The following IKZF5 variants were observed in gnomAD, a reference collection of about 807,000 sequenced individuals.
The protein encoded by IKZF5 is zinc finger protein Pegasus.
A neutral mutation model predicts 30.7 loss-of-function variants in IKZF5; 4 were observed. That is an observed-to-expected ratio of 0.13 (90% CI 0.06 to 0.30). The LOEUF (loss-of-function observed/expected upper bound fraction) is 0.30, where lower values mean the gene tolerates loss of function less well. Among genes scored for constraint, IKZF5 ranks in the 10% least tolerant of loss-of-function variants. The pLI, the probability that IKZF5 is intolerant of heterozygous loss-of-function variation, is 1.00. For synonymous variants in IKZF5, 148 were observed against 179.6 expected (o/e 0.82, Z 1.41); for missense variants, 348 against 525.5 (o/e 0.66, Z 3.30).
At chr10:123,006,994 A>G (rs1326930417) in intron 2 of IKZF5, 32 bp downstream of exon 2, 3 of 152,382 alleles carry the variant, frequency 2.0e-5, no homozygotes, top group African/African-American at 7.2e-5. Context: ...CCATGTTGAA[A>G]GAAATCCAGA....
In IKZF5 at chr10:122,998,611, T is replaced by A; in HGVS notation, c.15A>T (p.Lys5Asn). MGEK[K>N]PEPLDFVKDF... is the part of the protein sequence containing the mutation. ...CTTTCACGAAGTCCAAAGGCTCTGG[T>A]TTTTTTTCACCCATCTTTGCTTTTT... The change falls in exon 3 of 5, where the codon AAA (lysine) becomes AAT (asparagine). Residue 5 changes from lysine (K) to asparagine (N), a missense_variant. This residue lies in a region of IKZF5 where 80 missense variants were observed against 93.2 expected (regional missense o/e 0.86). Coordinates refer to ENST00000368886, the MANE Select transcript of IKZF5 (RefSeq NM_001372123.1). 6.2e-7 allele frequency: 1 copy of A among 1,610,530 alleles called. No individual in the cohort carries two copies.
chr10:122,995,944 C>G (rs1474923922), intron 4 of IKZF5, 50 bp downstream of exon 4: 1 of 1,574,998 alleles, frequency 6.3e-7, no homozygotes, highest in Non-Finnish European at 8.7e-7. Flanking sequence ...CCCCCCTTGG[C>G]CCCTCTCCTG....
rs1051210563 is a variant in IKZF5, at chr10:122,993,062, G to C, written c.*718C>G. Reference sequence around the variant, plus strand: ...TTTAAATGAAAGTCAAACTGACAGGGGAAAAAGGCATCTAGCACTCTAGTG... The same window carrying C: ...TTTAAATGAAAGTCAAACTGACAGGCGAAAAAGGCATCTAGCACTCTAGTG... On this transcript the variant is annotated 3_prime_UTR_variant, in exon 5 of 5. Transcript: ENST00000368886. The C allele has an allele frequency of 6.6e-6, 1 of 152,378 alleles. No individual in the cohort carries two copies. Among genetic ancestry groups the C allele is most frequent in the African/African-American group, 2.4e-5 (1 of 41,390 alleles). The allele number at this position is 152,378 out of a possible 1,614,324, so 9.4% of individuals were successfully genotyped here.
intron 1 of IKZF5, among the ~76,000 whole-genome samples, chr10:123,007,964 G>C (rs756502670): frequency 1.1e-4 from 16 of 152,028 alleles, no homozygotes; most frequent in Non-Finnish European, 1.9e-4. Context: ...AGCACATCAA[G>C]GGGACTCTAA....
chr10:123,000,206 C>A (rs528897636), intron 2 of IKZF5, among the ~76,000 whole-genome samples: 1 of 152,176 alleles, frequency 6.6e-6, no homozygotes, highest in Non-Finnish European at 1.5e-5. Context: ...CCAGAAACCC[C>A]CCTCGTGTAC....
At position 122,994,603 on chromosome 10, in the gene IKZF5, C is replaced by T. The variant is rs1253775182; in HGVS notation, c.437G>A (p.Arg146His). The part of the protein sequence containing the change: ...KPYKCELCSF[R>H]CSDRSNLSHH... ...GGACAAGTTACTTCGATCACTGCAG[C>T]GGAAGGAACATAATTCACATTTGTA... Residue 146 changes from arginine (R) to histidine (H), a missense_variant, in exon 5 of 5, where the codon CGC becomes CAC. Coordinates refer to ENST00000368886, the MANE Select transcript of IKZF5 (RefSeq NM_001372123.1). The surrounding 1 kb of genome is among the most constrained non-coding windows in gnomAD (Gnocchi z 5.6). The T allele has an allele frequency of 1.2e-6, 2 of 1,613,972 alleles. No homozygotes were observed. Among genetic ancestry groups the T allele is most frequent in the African/African-American group, 1.3e-5 (1 of 74,894 alleles).
Position 122,992,896 on chromosome 10 carries a change from G to T in IKZF5, c.*884C>A, listed in dbSNP as rs1849216655. The T allele has an allele frequency of 6.6e-6, 1 of 152,550 alleles. No homozygotes were observed. Among genetic ancestry groups the T allele is most frequent in the African/African-American group, 2.4e-5 (1 of 41,442 alleles). The allele number at this position is 152,550 out of a possible 1,614,324, so 9.4% of individuals were successfully genotyped here. On this transcript the variant is annotated 3_prime_UTR_variant, in exon 5 of 5. Coordinates refer to ENST00000368886, the MANE Select transcript of IKZF5 (RefSeq NM_001372123.1). Reference sequence around the variant, plus strand: ...GATAGAAGGAAGGAAAAGGAATCTTGAGAAATTTGTTTGGAGGCTGCATTT... The same window carrying T: ...GATAGAAGGAAGGAAAAGGAATCTTTAGAAATTTGTTTGGAGGCTGCATTT...
At chr10:123,004,017 GTTTC>G (rs1329134504) in intron 2 of IKZF5, among the ~76,000 whole-genome samples, 4 of 151,316 alleles carry the variant, frequency 2.6e-5, no homozygotes, top group Non-Finnish European at 4.4e-5. Context: ...CTAGTTCTCT[GTTTC>G]TTTATCATTG....
intron 2 of IKZF5, among the ~76,000 whole-genome samples, chr10:123,006,728 T>G (rs1849802523): frequency 6.6e-6 from 1 of 152,214 alleles, no homozygotes; most frequent in Non-Finnish European, 1.5e-5. Context: ...CATAAAGTGA[T>G]TACAGTTCAA....
Position 122,994,362 on chromosome 10 carries a change from G to C in IKZF5, c.678C>G (p.Ser226=), listed in dbSNP as rs962548205. 1.9e-6 allele frequency: 3 copies of C among 1,613,956 alleles called. No homozygotes were observed. Among genetic ancestry groups the C allele is most frequent in the African/African-American group, 1.3e-5 (1 of 74,874 alleles). ...THEIPNIQTD[S]YESMAKTTPT... is the part of the protein sequence containing the mutation. ...GTGTGGTTTTTGCCATACTTTCATA[G>C]GAGTCAGTCTGGATATTTGGGATTT... The change falls in exon 5 of 5, where the codon TCC becomes TCG. Residue 226 remains serine, a synonymous_variant. Transcript: ENST00000368886. This position sits in a 1 kb window ranked among gnomAD's most constrained non-coding sequence, Gnocchi z 5.6.
At chr10:123,001,055 G>A (rs1849565297) in intron 2 of IKZF5, among the ~76,000 whole-genome samples, 1 of 151,316 alleles carries the variant, frequency 6.6e-6, no homozygotes, top group Admixed American at 6.6e-5. Context: ...TGTCGCCCAG[G>A]CTGGGGTGCA....
Position 122,993,168 on chromosome 10 carries a change from A to G in IKZF5, c.*612T>C, listed in dbSNP as rs1485608257. ...AATAAACAAGTTATTTTAAATATTAAAAGAATTTTCAATTTCAAGTCTTAA... is the reference window on the plus strand; with the variant it reads ...AATAAACAAGTTATTTTAAATATTAGAAGAATTTTCAATTTCAAGTCTTAA... On this transcript the variant is annotated 3_prime_UTR_variant, in exon 5 of 5. Transcript: ENST00000368886. The G allele has an allele frequency of 3.3e-5, 5 of 152,344 alleles. No homozygotes were observed. The East Asian group carries it at 7.7e-4, about 23-fold the overall frequency. The allele number at this position is 152,344 out of a possible 1,614,324, so 9.4% of individuals were successfully genotyped here.
intron 1 of IKZF5, among the ~76,000 whole-genome samples, chr10:123,007,864 G>T (rs1849864086): frequency 6.6e-6 from 1 of 152,072 alleles, no homozygotes; most frequent in Admixed American, 6.5e-5. Flanking sequence ...AATACATTCT[G>T]TTCTTTCAAA....
intron 2 of IKZF5, 61 bp from the exon 3 acceptor site, chr10:122,998,732 A>C (rs545751874): frequency 3.8e-5 from 36 of 938,358 alleles, no homozygotes; most frequent in Non-Finnish European, 3.2e-6. Context: ...GACAAAAGCT[A>C]TTTTGTGCAA....
rs1224784400 is a variant in IKZF5 at position 122,998,270 on chromosome 10, C to G, written c.133+223G>C. On this transcript the variant is annotated intron_variant, in intron 3 of 4. Coordinates refer to ENST00000368886, the MANE Select transcript of IKZF5 (RefSeq NM_001372123.1). ...TGGAGGACAGGAAGGGTATTTGGAG[C>G]CCCTAACCTTCCAACAAGACCATAA... The G allele has an allele frequency of 2.3e-5, 9 of 389,658 alleles. No homozygotes were observed. In the Admixed American group the frequency reaches 2.6e-4, roughly 11 times the overall value. 24.1% of individuals were successfully genotyped at this position (389,658 alleles called of 1,614,324 possible).
intron 2 of IKZF5, among the ~76,000 whole-genome samples, chr10:122,999,773 A>G (rs945305844): frequency 2.0e-5 from 3 of 152,258 alleles, no homozygotes; most frequent in Non-Finnish European, 4.4e-5. Flanking sequence ...GTGTTCTGCA[A>G]TCACAAGCTG....
intron 2 of IKZF5, among the ~76,000 whole-genome samples, chr10:123,006,048 G>T (rs1169757769): frequency 2.0e-5 from 3 of 152,118 alleles, no homozygotes; most frequent in Non-Finnish European, 4.4e-5. Flanking sequence ...ATGGGGTGTA[G>T]GTGGATATCT....
At chr10:122,998,075 G>A (rs1417121751) in intron 3 of IKZF5, among the ~76,000 whole-genome samples, 3 of 152,148 alleles carry the variant, frequency 2.0e-5, no homozygotes, top group Admixed American at 6.5e-5. Context: ...TCTCTTCTTG[G>A]ATAGGTAAAC....
chr10:123,005,038 C>T (rs1262775032), intron 2 of IKZF5, among the ~76,000 whole-genome samples: 2 of 152,098 alleles, frequency 1.3e-5, no homozygotes, highest in East Asian at 3.9e-4. Flanking sequence ...ACTACAATCC[C>T]AGCACTTTCA....
Sources: gnomAD v4.1 joint callset for allele counts (sites outside exome capture counted in the v4.1 genomes callset) on GRCh38, gnomAD v4.1.1 for gene constraint, gnomAD v4.1.1 regional missense constraint, Gnocchi (gnomAD v3.1) non-coding constraint, MANE v1.5 for transcripts, NCBI Gene and HGNC (gene_info 2026-07-23, HGNC 2026-07-21) for gene names.